Variants in SGCZ observed in about 807,000 individuals in gnomAD.
The protein encoded by SGCZ is zeta-sarcoglycan.
SGCZ carries 40 observed loss-of-function variants against 41.3 expected under a neutral mutation model. That is an observed-to-expected ratio of 0.97 (90% CI 0.75 to 1.26). The LOEUF (loss-of-function observed/expected upper bound fraction) is 1.26. SGCZ is among the 50% of genes most tolerant of loss of function. The probability of loss-of-function intolerance (pLI) is 0.00; values close to 1 mark genes in which losing one functional copy is unlikely to be tolerated. For synonymous variants in SGCZ, 206 were observed against 137.5 expected, an observed-to-expected ratio of 1.50 and a Z score of -3.49; for missense variants, 552 against 369.8, an observed-to-expected ratio of 1.49 and a Z score of -4.04.
chr8:14,502,964 T>A (rs774061357), intron 2 of SGCZ, among the ~76,000 whole-genome samples: 13 of 152,228 alleles, frequency 8.5e-5, no homozygotes, highest in South Asian at 2.1e-4. Context: ...CAAGGGATTA[T>A]AAATCATTCT....
At chr8:14,412,085 A>C (rs1799375908) in intron 2 of SGCZ, among the ~76,000 whole-genome samples, 1 of 152,108 alleles carries the variant, frequency 6.6e-6, no homozygotes, top group African/African-American at 2.4e-5. Flanking sequence ...TGCCATTCAA[A>C]GATTGATTTG....
chr8:14,114,493 A>C (rs1007054395), intron 5 of SGCZ, among the ~76,000 whole-genome samples: 1 of 152,006 alleles, frequency 6.6e-6, no homozygotes, highest in African/African-American at 2.4e-5. Flanking sequence ...GATTTCTAAA[A>C]AGAAATTGTT....
intron 1 of SGCZ, among the ~76,000 whole-genome samples, chr8:14,829,965 C>A (rs1802470714): frequency 6.6e-6 from 1 of 152,226 alleles, no homozygotes. Flanking sequence ...GCGACTGCAC[C>A]ACGCCCGGCT....
intron 1 of SGCZ, among the ~76,000 whole-genome samples, chr8:14,865,391 A>C (rs1302334061): frequency 1.3e-5 from 2 of 152,022 alleles, no homozygotes; most frequent in African/African-American, 4.8e-5. Context: ...GATGTCTACC[A>C]TAGAAAGCCA....
chr8:14,853,410 T>G, intron 1 of SGCZ: 1 of 525,612 alleles, frequency 1.9e-6, no homozygotes, highest in Non-Finnish European at 3.9e-6. Context: ...ATACCCAAGG[T>G]CTCATGAGGT....
intron 1 of SGCZ, among the ~76,000 whole-genome samples, chr8:15,126,786 G>A (rs1435073987): frequency 6.6e-6 from 1 of 152,100 alleles, no homozygotes; most frequent in African/African-American, 2.4e-5. Flanking sequence ...GATGACTGAA[G>A]CATTGGGCAC....
intron 1 of SGCZ, among the ~76,000 whole-genome samples, chr8:14,621,259 G>A (rs528633446): frequency 2.8e-5 from 4 of 140,370 alleles, no homozygotes; most frequent in African/African-American, 5.3e-5. Context: ...GACACAGGAA[G>A]GGGAACATCA....
intron 1 of SGCZ, among the ~76,000 whole-genome samples, chr8:14,824,242 C>T (rs993117214): frequency 1.3e-5 from 2 of 152,008 alleles, no homozygotes; most frequent in Admixed American, 6.6e-5. Context: ...CCAAGAGGGG[C>T]TCCTCAATGT....
At chr8:14,566,114 G>C (rs1211075036) in intron 1 of SGCZ, among the ~76,000 whole-genome samples, 1 of 152,128 alleles carries the variant, frequency 6.6e-6, no homozygotes, top group East Asian at 1.9e-4. Flanking sequence ...AAATGAAACA[G>C]AAGATCTTGC....
intron 2 of SGCZ, among the ~76,000 whole-genome samples, chr8:14,404,050 A>G (rs1799147436): frequency 6.6e-6 from 1 of 152,180 alleles, no homozygotes; most frequent in South Asian, 2.1e-4. Flanking sequence ...CAAATCATGT[A>G]TCTTACCTGA....
At chr8:15,221,078 G>A (rs1396009675) in intron 1 of SGCZ, among the ~76,000 whole-genome samples, 1 of 151,936 alleles carries the variant, frequency 6.6e-6, no homozygotes, top group Non-Finnish European at 1.5e-5. Context: ...CAAGTTAATG[G>A]GTTCAGCAAA....
chr8:14,313,213 T>C (rs1478494397), intron 3 of SGCZ, among the ~76,000 whole-genome samples: 1 of 152,204 alleles, frequency 6.6e-6, no homozygotes, highest in Non-Finnish European at 1.5e-5. Flanking sequence ...CAGCAATTAA[T>C]ACTTGAAAAG....
At chr8:14,571,260 C>T (rs1222597018) in intron 1 of SGCZ, among the ~76,000 whole-genome samples, 1 of 152,198 alleles carries the variant, frequency 6.6e-6, no homozygotes, top group Non-Finnish European at 1.5e-5. Flanking sequence ...ATGATCCAGT[C>T]ACCTTCCACC....
chr8:14,742,306 C>G (rs886388468), intron 1 of SGCZ, among the ~76,000 whole-genome samples: 3 of 151,880 alleles, frequency 2.0e-5, no homozygotes, highest in African/African-American at 7.3e-5. Context: ...TGCACGTGCA[C>G]GCGCGCTCAC....
At chr8:15,070,239 T>A (rs1435527304) in intron 1 of SGCZ, among the ~76,000 whole-genome samples, 1 of 152,152 alleles carries the variant, frequency 6.6e-6, no homozygotes, top group Non-Finnish European at 1.5e-5. Flanking sequence ...CATAAATAAT[T>A]GCATTCAGAA....
At chr8:14,807,032 CG>C (rs1801558707) in intron 1 of SGCZ, among the ~76,000 whole-genome samples, 1 of 152,136 alleles carries the variant, frequency 6.6e-6, no homozygotes, top group South Asian at 2.1e-4. Flanking sequence ...AATTCAACAA[CG>C]CTTCAGGCTA....
rs115968280 is a variant in SGCZ, at chr8:14,634,714, A to G, written c.40-79788T>C. Among the ~76,000 whole-genome samples, 1,336 of 151,998 alleles carry G rather than the reference A, an allele frequency of 8.8e-3. 19 individuals carry two copies. Among genetic ancestry groups the G allele is most frequent in the African/African-American group, 0.03 (1,266 of 41,522 alleles). ...AAGAATGAAGGACTCTCAGACACAT[A>G]CGGAAATCACAAAATTCCATAAACT... On this transcript the variant is annotated intron_variant, in intron 1 of 7. Transcript: ENST00000382080.
chr8:14,999,174 G>C (rs144371075), intron 1 of SGCZ, among the ~76,000 whole-genome samples: 5 of 152,102 alleles, frequency 3.3e-5, no homozygotes, highest in African/African-American at 1.2e-4. Context: ...TATGAGAAAC[G>C]GTTCAAACCA....
intron 2 of SGCZ, among the ~76,000 whole-genome samples, chr8:14,382,040 AT>A (rs1804386812): frequency 6.6e-6 from 1 of 152,124 alleles, no homozygotes. Context: ...TCTTGTTGAA[AT>A]TTATTGTAAA....
Sources: allele counts gnomAD v4.1 joint callset (sites outside exome capture counted in the v4.1 genomes callset), GRCh38; gene constraint gnomAD v4.1.1; transcripts MANE v1.5; gene names NCBI Gene and HGNC (gene_info 2026-07-23, HGNC 2026-07-21).